Variants in PRKCE observed in about 807,000 individuals in gnomAD.
PRKCE encodes the protein protein kinase C epsilon type.
In PRKCE, 16 loss-of-function variants were observed where a neutral mutation model predicts 85.4. That is an observed-to-expected ratio of 0.19 (90% CI 0.13 to 0.28). The LOEUF is 0.28. Ranked by LOEUF, PRKCE falls within the 10% of genes least tolerant of loss-of-function variation. The pLI, the probability that PRKCE is intolerant of heterozygous loss-of-function variation, is 1.00. For missense variants in PRKCE, 573 were observed against 975.2 expected, an observed-to-expected ratio of 0.59 and a Z score of 5.49; for synonymous variants, 388 against 371.5, an observed-to-expected ratio of 1.04 and a Z score of -0.51.
chr2:46,137,131 C>T (rs1316391977), intron 11 of PRKCE, among the ~76,000 whole-genome samples: 1 of 152,232 alleles, frequency 6.6e-6, no homozygotes, highest in African/African-American at 2.4e-5. Flanking sequence ...GAGGTTACAT[C>T]ATTCCATCCT....
intron 1 of PRKCE, among the ~76,000 whole-genome samples, chr2:45,670,078 T>C (rs1676085563): frequency 6.6e-6 from 1 of 152,202 alleles, no homozygotes; most frequent in African/African-American, 2.4e-5. Flanking sequence ...CAGTCATACA[T>C]AGATGTGTGA....
chr2:46,091,027 A>C (rs1670114079), intron 11 of PRKCE, among the ~76,000 whole-genome samples: 1 of 152,192 alleles, frequency 6.6e-6, no homozygotes, highest in Non-Finnish European at 1.5e-5. Context: ...TCTCTGGCTC[A>C]CACTTGAAAG....
intron 2 of PRKCE, among the ~76,000 whole-genome samples, chr2:45,906,012 G>A (rs907844682): frequency 2.6e-5 from 4 of 152,226 alleles, no homozygotes; most frequent in Non-Finnish European, 5.9e-5. Context: ...CACATGACCC[G>A]GGTATGGAGC....
chr2:45,834,489 C>T (rs1690687270), intron 1 of PRKCE, among the ~76,000 whole-genome samples: 1 of 152,162 alleles, frequency 6.6e-6, no homozygotes, highest in Non-Finnish European at 1.5e-5. Context: ...CTGGTTTGCT[C>T]CTCCTGTCAT....
intron 10 of PRKCE, among the ~76,000 whole-genome samples, chr2:46,055,305 G>A (rs1666463214): frequency 2.0e-5 from 3 of 152,234 alleles, no homozygotes. Context: ...TCCTGCACCT[G>A]CTCACCTGTG....
chr2:45,768,815 A>G lies in PRKCE; in HGVS notation c.349-74185A>G, dbSNP rs1006701307. On this transcript the variant is annotated intron_variant, in intron 1 of 14. Transcript: ENST00000306156. Reference sequence around the variant, plus strand: ...GCAGCTTAACACACATTTTACATCTATCTGTTGGCTAATGCTTAATTATAT... The same window carrying G: ...GCAGCTTAACACACATTTTACATCTGTCTGTTGGCTAATGCTTAATTATAT... 2.6e-5 allele frequency among the ~76,000 whole-genome samples: 4 copies of G among 152,190 alleles called. No individual in the cohort carries two copies. The South Asian group carries it at 8.3e-4, about 32-fold the overall frequency.
chr2:46,147,803 G>A (rs1228936187), intron 12 of PRKCE, among the ~76,000 whole-genome samples: 2 of 152,194 alleles, frequency 1.3e-5, no homozygotes, highest in African/African-American at 4.8e-5. Context: ...GATAGGAAAC[G>A]CAATCCTGAG....
At chr2:45,662,092 A>G (rs1675690383) in intron 1 of PRKCE, among the ~76,000 whole-genome samples, 1 of 152,178 alleles carries the variant, frequency 6.6e-6, no homozygotes, top group Non-Finnish European at 1.5e-5. Flanking sequence ...AATCAGACTG[A>G]CTGAGTCTGT....
At chr2:45,773,658 G>T (rs1685519582) in intron 1 of PRKCE, among the ~76,000 whole-genome samples, 1 of 152,200 alleles carries the variant, frequency 6.6e-6, no homozygotes, top group African/African-American at 2.4e-5. Flanking sequence ...TAGAATTCCA[G>T]TGAGAGGTGT....
intron 1 of PRKCE, among the ~76,000 whole-genome samples, chr2:45,805,596 C>CTTTTTTTTTTTTTTTTTTTTTTT (rs529307964): frequency 7.0e-6 from 1 of 142,606 alleles, no homozygotes; most frequent in African/African-American, 2.6e-5. Flanking sequence ...TTACCTTCCT[C>CTTTTTTTTTTTTTTTTTTTTTTT]TTTTTTTTTT....
At chr2:45,782,970 T>G (rs1416833279) in intron 1 of PRKCE, among the ~76,000 whole-genome samples, 1 of 152,156 alleles carries the variant, frequency 6.6e-6, no homozygotes, top group Non-Finnish European at 1.5e-5. Flanking sequence ...CTATATTATT[T>G]CATTACTTTT....
chr2:45,687,953 G>A (rs1201838989), intron 1 of PRKCE, among the ~76,000 whole-genome samples: 1 of 152,174 alleles, frequency 6.6e-6, no homozygotes, highest in Non-Finnish European at 1.5e-5. Flanking sequence ...TTATTGTATG[G>A]GGTCCTCAGA....
At position 45,912,888 on chromosome 2, in the gene PRKCE, C is replaced by A. The variant is rs116823026; in HGVS notation, c.413-63541C>A. 6.8e-3 allele frequency among the ~76,000 whole-genome samples: 1,031 copies of A among 152,202 alleles called. 18 individuals carry two copies. Among genetic ancestry groups the A allele is most frequent in the African/African-American group, 0.024 (982 of 41,530 alleles). On this transcript the variant is annotated intron_variant, in intron 2 of 14. Transcript: ENST00000306156. Reference sequence around the variant, plus strand: ...ACCACCATCCAACCCACGCCAGAGCCCAGAATGAAGTCCTGATGGAGTTCA... The same window carrying A: ...ACCACCATCCAACCCACGCCAGAGCACAGAATGAAGTCCTGATGGAGTTCA...
At position 45,905,002 on chromosome 2, in the gene PRKCE, C is replaced by T. The variant is rs13013257; in HGVS notation, c.412+61939C>T. Among the ~76,000 whole-genome samples the T allele has an allele frequency of 2.6e-5, 4 of 152,314 alleles. No homozygotes were observed. The highest frequency in any genetic ancestry group is 2.1e-4 in the South Asian group (1 of 4,822). ...CCTTTGTTGACCATTGTACAGACAG[C>T]GACAGGGGCTCCACATCACTTCAGC... On this transcript the variant is annotated intron_variant, in intron 2 of 14. Coordinates refer to ENST00000306156, the MANE Select transcript of PRKCE (RefSeq NM_005400.3). The surrounding 1 kb of genome is among the most constrained non-coding windows in gnomAD (Gnocchi z 4.4).
intron 10 of PRKCE, among the ~76,000 whole-genome samples, chr2:46,036,946 C>G (rs531369073): frequency 7.9e-5 from 12 of 152,206 alleles, no homozygotes; most frequent in Non-Finnish European, 1.6e-4. Context: ...ATCCTCTTCT[C>G]CCAGTCAGCT....
intron 1 of PRKCE, among the ~76,000 whole-genome samples, chr2:45,787,986 G>A (rs1280453520): frequency 6.6e-6 from 1 of 152,156 alleles, no homozygotes; most frequent in Non-Finnish European, 1.5e-5. Context: ...ATGAAAGCTT[G>A]GAGTACCCTG....
At chr2:45,896,977 C>T (rs1013167288) in intron 2 of PRKCE, among the ~76,000 whole-genome samples, 2 of 152,098 alleles carry the variant, frequency 1.3e-5, no homozygotes, top group African/African-American at 4.8e-5. Context: ...ACTTGGGAGG[C>T]TGAGGTGAAA....
chr2:46,144,038 A>G (rs1675824545), intron 11 of PRKCE, among the ~76,000 whole-genome samples: 1 of 152,198 alleles, frequency 6.6e-6, no homozygotes, highest in South Asian at 2.1e-4. Flanking sequence ...GGGGAGCCCA[A>G]GGTGGATACC....
At chr2:45,846,351 C>T (rs1691788599) in intron 2 of PRKCE, among the ~76,000 whole-genome samples, 1 of 152,140 alleles carries the variant, frequency 6.6e-6, no homozygotes, top group South Asian at 2.1e-4. Flanking sequence ...AGACGGTCGG[C>T]GCCTGACCTG....
Sources: gnomAD v4.1 joint callset for allele counts (sites outside exome capture counted in the v4.1 genomes callset) on GRCh38, gnomAD v4.1.1 for gene constraint, Gnocchi (gnomAD v3.1) non-coding constraint, MANE v1.5 for transcripts, NCBI Gene and HGNC (gene_info 2026-07-23, HGNC 2026-07-21) for gene names.